The following CDH4 variants were observed in gnomAD, a reference collection of about 807,000 sequenced individuals.
The protein encoded by CDH4 is cadherin 4.
In CDH4, 33 loss-of-function variants were observed where a neutral mutation model predicts 86.0. The observed-to-expected ratio is 0.38, with a 90% CI of 0.29 to 0.51. The LOEUF (loss-of-function observed/expected upper bound fraction) is 0.51, where lower values mean the gene tolerates loss of function less well. Among genes scored for constraint, CDH4 ranks in the 20% least tolerant of loss-of-function variants. The pLI is 0.86. For synonymous variants in CDH4, 555 were observed against 549.4 expected (o/e 1.01, Z -0.14); for missense variants, 1,114 against 1,307.4 (o/e 0.85, Z 2.28).
At chr20:61,682,714 C>T (rs969037118) in intron 2 of CDH4, among the ~76,000 whole-genome samples, 2 of 152,076 alleles carry the variant, frequency 1.3e-5, no homozygotes, top group African/African-American at 2.4e-5. Flanking sequence ...ATGATTTTAC[C>T]TCCCCACGCC....
At chr20:61,481,427 C>T (rs188134935) in intron 2 of CDH4, among the ~76,000 whole-genome samples, 94 of 152,344 alleles carry the variant, frequency 6.2e-4, no homozygotes, top group Admixed American at 1.2e-3. Flanking sequence ...AAAATCTCAG[C>T]GTAGGGCATG....
At chr20:61,704,230 G>A (rs910632835) in intron 2 of CDH4, among the ~76,000 whole-genome samples, 4 of 152,220 alleles carry the variant, frequency 2.6e-5, no homozygotes, top group African/African-American at 9.6e-5. Context: ...TCAAGGTGCT[G>A]CGAGGAAGGC....
chr20:61,763,319 CAG>C (rs1568802026), intron 3 of CDH4, among the ~76,000 whole-genome samples: 1 of 152,198 alleles, frequency 6.6e-6, no homozygotes, highest in African/African-American at 2.4e-5. Context: ...AACCCATGCT[CAG>C]GGAACCCAGG....
At chr20:61,578,435 T>G (rs1204698387) in intron 2 of CDH4, among the ~76,000 whole-genome samples, 5 of 152,320 alleles carry the variant, frequency 3.3e-5, no homozygotes, top group East Asian at 3.9e-4. Flanking sequence ...GCAAAATAAC[T>G]GGGGATTTTC....
intron 2 of CDH4, among the ~76,000 whole-genome samples, chr20:61,731,064 G>T (rs538096057): frequency 6.6e-6 from 1 of 152,190 alleles, no homozygotes; most frequent in East Asian, 1.9e-4. Context: ...TCACCCTGGG[G>T]TCTGGAGTTC....
chr20:61,547,830 T>C (rs1256817068), intron 2 of CDH4, among the ~76,000 whole-genome samples: 1 of 152,212 alleles, frequency 6.6e-6, no homozygotes, highest in Non-Finnish European at 1.5e-5. Context: ...TGCCTGCACA[T>C]ACACGCACAT....
intron 7 of CDH4, among the ~76,000 whole-genome samples, chr20:61,894,673 A>G (rs563314129): frequency 6.6e-6 from 1 of 152,146 alleles, no homozygotes; most frequent in African/African-American, 2.4e-5. Flanking sequence ...ATGAAAACAC[A>G]GGCAAACCTC....
intron 9 of CDH4, among the ~76,000 whole-genome samples, chr20:61,919,794 C>T (rs112721068): frequency 6.8e-6 from 1 of 146,620 alleles, no homozygotes; most frequent in African/African-American, 2.5e-5. Context: ...TGCATGGAAG[C>T]GTGTTGTGAT....
At chr20:61,520,148 G>T (rs1055955806) in intron 2 of CDH4, among the ~76,000 whole-genome samples, 6 of 152,298 alleles carry the variant, frequency 3.9e-5, no homozygotes, top group Admixed American at 3.9e-4. Context: ...AAATGCCCAT[G>T]TCCATGGAGA....
At chr20:61,465,120 G>A (rs1316599756) in intron 2 of CDH4, among the ~76,000 whole-genome samples, 1 of 152,220 alleles carries the variant, frequency 6.6e-6, no homozygotes, top group Non-Finnish European at 1.5e-5. Context: ...CTGGCATACA[G>A]AATGCTGGAA....
chr20:61,426,336 T>C (rs1201639748), intron 2 of CDH4, among the ~76,000 whole-genome samples: 2 of 152,166 alleles, frequency 1.3e-5, no homozygotes, highest in Non-Finnish European at 2.9e-5. Flanking sequence ...GTACCTATAA[T>C]GAATAATGCT....
At position 61,653,174 on chromosome 20, in the gene CDH4, A is replaced by G. The variant is rs1224387101; in HGVS notation, c.170-90389A>G. On this transcript the variant is annotated intron_variant, in intron 2 of 15. Transcript: ENST00000614565. ...TACTGCCTTCAAGCATCTGTTTAAC[A>G]AAGCACATCTTGCACCGCCCTTAAT... Among the ~76,000 whole-genome samples, 10 of 128,546 alleles carry G rather than the reference A, an allele frequency of 7.8e-5. No homozygotes were observed. In the East Asian group the frequency reaches 1.6e-3, roughly 21 times the overall value. 84.3% of individuals were successfully genotyped at this position (128,546 alleles called of 152,430 possible).
At chr20:61,824,266 C>A (rs35872184) in intron 4 of CDH4, among the ~76,000 whole-genome samples, 9 of 151,868 alleles carry the variant, frequency 5.9e-5, no homozygotes, top group Admixed American at 1.3e-4. Context: ...ACCTTGTCAA[C>A]TACAGGTGTC....
intron 2 of CDH4, among the ~76,000 whole-genome samples, chr20:61,737,591 G>A (rs985031455): frequency 5.9e-5 from 9 of 152,168 alleles, no homozygotes; most frequent in African/African-American, 1.2e-4. Flanking sequence ...GGCAGACCCC[G>A]GTGTTCAGTA....
intron 2 of CDH4, among the ~76,000 whole-genome samples, chr20:61,524,736 G>A (rs565755833): frequency 5.5e-4 from 83 of 152,126 alleles, no homozygotes; most frequent in Admixed American, 2.7e-3. Context: ...GCCCACCTCG[G>A]CCTCCCAAAG....
rs1248508951 is a variant in CDH4, at chr20:61,509,624, A to C, written c.170-233939A>C. Among the ~76,000 whole-genome samples, 4 of 151,888 alleles carry C rather than the reference A, an allele frequency of 2.6e-5. No homozygotes were observed. The East Asian group carries it at 7.7e-4, about 29-fold the overall frequency. ...ACCGTCATGCCAAGGCCAGAGGTGC[A>C]TGCACAGCCGGCCCACACTCCAGGG... On this transcript the variant is annotated intron_variant, in intron 2 of 15. Coordinates refer to ENST00000614565, the MANE Select transcript of CDH4 (RefSeq NM_001794.5).
chr20:61,911,040 C>T (rs1178525429), intron 9 of CDH4, among the ~76,000 whole-genome samples: 1 of 152,182 alleles, frequency 6.6e-6, no homozygotes, highest in Non-Finnish European at 1.5e-5. Context: ...AGGCCTATAG[C>T]GTCCTCATCT....
Position 61,598,680 on chromosome 20 carries a change from G to A in CDH4, c.170-144883G>A, listed in dbSNP as rs767391357. 9.2e-5 allele frequency among the ~76,000 whole-genome samples: 14 copies of A among 152,306 alleles called. No individual in the cohort carries two copies. In the East Asian group the frequency reaches 1.4e-3, roughly 15 times the overall value. The stretch of plus-strand genomic sequence containing the variant: ...TTTCCTGTAGAACGGGGACTTTGCC[G>A]TCTGTGCCTTAGCCACAGGCCAGAT... On this transcript the variant is annotated intron_variant, in intron 2 of 15. Transcript: ENST00000614565.
chr20:61,862,914 A>C (rs1225772693), intron 6 of CDH4, among the ~76,000 whole-genome samples: 1 of 152,276 alleles, frequency 6.6e-6, no homozygotes, highest in East Asian at 1.9e-4. Context: ...TTTTTGCTTA[A>C]ACAGATTATT....
Sources: gnomAD v4.1 joint callset for allele counts (sites outside exome capture counted in the v4.1 genomes callset) on GRCh38, gnomAD v4.1.1 for gene constraint, MANE v1.5 for transcripts, NCBI Gene and HGNC (gene_info 2026-07-23, HGNC 2026-07-21) for gene names.